PCLO: variants seen among roughly 807,000 people sequenced by gnomAD.
PCLO encodes protein piccolo.
A neutral mutation model predicts 427.5 loss-of-function variants in PCLO; 82 were observed. That is an observed-to-expected ratio of 0.19 (90% CI 0.16 to 0.23). PCLO has a LOEUF of 0.23. Among genes scored for constraint, PCLO ranks in the 10% least tolerant of loss-of-function variants. The pLI is 1.00. For synonymous variants in PCLO, 2,357 were observed against 2,155.4 expected, an observed-to-expected ratio of 1.09 and a Z score of -2.59; for missense variants, 6,239 against 6,115.9, an observed-to-expected ratio of 1.02 and a Z score of -0.67.
At chr7:82,809,714 T>C (rs1238910422) in intron 20 of PCLO, among the ~76,000 whole-genome samples, 1 of 151,830 alleles carries the variant, frequency 6.6e-6, no homozygotes, top group East Asian at 1.9e-4. Flanking sequence ...ATACAAATCA[T>C]AAATTTCTCA....
chr7:82,791,410 G>T (rs1791098650), intron 22 of PCLO, among the ~76,000 whole-genome samples: 1 of 152,172 alleles, frequency 6.6e-6, no homozygotes, highest in Admixed American at 6.5e-5. Context: ...CTATTTCTTG[G>T]ATAAGTGAGC....
chr7:83,119,377 T>G (rs1184151273), intron 3 of PCLO, among the ~76,000 whole-genome samples: 1 of 152,022 alleles, frequency 6.6e-6, no homozygotes, highest in African/African-American at 2.4e-5. Context: ...CTCTGACTGG[T>G]ATTGTAGGAA....
intron 22 of PCLO, among the ~76,000 whole-genome samples, chr7:82,799,276 T>C (rs1464042027): frequency 6.6e-6 from 1 of 152,164 alleles, no homozygotes; most frequent in Non-Finnish European, 1.5e-5. Context: ...ACAAACATTC[T>C]CTAAGCAACT....
rs566223910 is a variant in PCLO, at chr7:82,936,228, A to G, written c.11112+13248T>C. On this transcript the variant is annotated intron_variant, in intron 6 of 24. Coordinates refer to ENST00000333891, the MANE Select transcript of PCLO (RefSeq NM_033026.6). ...GAAATCATACAAAGTGCTTTCTTTG[A>G]CCACAATAGAATGAAGGTAGAAATC... 2.0e-5 allele frequency among the ~76,000 whole-genome samples: 3 copies of G among 151,830 alleles called. No homozygotes were observed. In the South Asian group the frequency reaches 6.2e-4, roughly 31 times the overall value.
chr7:82,960,765 T>C (rs1795639034), intron 4 of PCLO, among the ~76,000 whole-genome samples: 1 of 152,128 alleles, frequency 6.6e-6, no homozygotes, highest in African/African-American at 2.4e-5. Flanking sequence ...ACTATAATAA[T>C]ATGAACGACA....
intron 22 of PCLO, among the ~76,000 whole-genome samples, chr7:82,781,477 T>A (rs545673380): frequency 7.7e-6 from 1 of 130,496 alleles, no homozygotes; most frequent in South Asian, 2.8e-4. Context: ...GGCCCTGATG[T>A]GTGTTGTTCC....
chr7:83,000,500 A>AT (rs915884755), intron 3 of PCLO, among the ~76,000 whole-genome samples: 3 of 151,862 alleles, frequency 2.0e-5, no homozygotes, highest in Non-Finnish European at 4.4e-5. Flanking sequence ...ATGCAAGACA[A>AT]TTTTTTCCAT....
At chr7:82,854,918 T>G (rs1210480972) in intron 10 of PCLO, among the ~76,000 whole-genome samples, 1 of 152,132 alleles carries the variant, frequency 6.6e-6, no homozygotes, top group Non-Finnish European at 1.5e-5. Context: ...ATTTACATAT[T>G]TTTAAAACTT....
intron 22 of PCLO, among the ~76,000 whole-genome samples, chr7:82,765,209 G>A (rs1041058582): frequency 2.6e-5 from 4 of 151,662 alleles, no homozygotes; most frequent in Non-Finnish European, 5.9e-5. Flanking sequence ...TTAAAGAAAT[G>A]ATCACATGAA....
rs750557339 is a variant in PCLO at position 82,956,453 on chromosome 7, A to G, written c.4500T>C (p.Val1500=). Residue 1500 remains valine (V), a synonymous_variant, in exon 5 of 25, where the codon GTT becomes GTC. Coordinates refer to ENST00000333891, the MANE Select transcript of PCLO (RefSeq NM_033026.6). The part of the protein sequence containing the change: ...SKDHKEKSEF[V]DDITTRREPY... ...GCTCTCTTCTAGTAGTTATGTCATC[A>G]ACAAACTCAGACTTCTCTTTATGGT... 8.7e-6 allele frequency: 14 copies of G among 1,613,706 alleles called. No individual in the cohort carries two copies. In the South Asian group the frequency reaches 1.5e-4, roughly 18 times the overall value.
At chr7:83,141,796 A>C (rs1017396490) in intron 2 of PCLO, among the ~76,000 whole-genome samples, 6 of 152,216 alleles carry the variant, frequency 3.9e-5, no homozygotes, top group African/African-American at 1.4e-4. Flanking sequence ...TGAACTTCAC[A>C]TAAAGAGTAT....
intron 10 of PCLO, among the ~76,000 whole-genome samples, chr7:82,864,291 A>G (rs1357582909): frequency 6.6e-6 from 1 of 152,154 alleles, no homozygotes; most frequent in Non-Finnish European, 1.5e-5. Flanking sequence ...GGCCACTTAT[A>G]TCAATTAGTT....
At chr7:83,033,210 T>C (rs535409711) in intron 3 of PCLO, among the ~76,000 whole-genome samples, 1 of 152,288 alleles carries the variant, frequency 6.6e-6, no homozygotes. Flanking sequence ...GTTGTATCTT[T>C]ATAGCAGTGT....
rs759676772 is a variant in PCLO, at chr7:82,950,917, T to A, written c.9671A>T (p.Glu3224Val). 4 of 1,613,430 alleles carry A rather than the reference T, an allele frequency of 2.5e-6. No homozygotes were observed. Among genetic ancestry groups the A allele is most frequent in the Non-Finnish European group, 3.4e-6 (4 of 1,179,860 alleles). ...AGCAAAGCGCTGTTGCTTAATTTTCTCCAGTTCCAGGAGCTCACGCTCCAA... is the reference window on the plus strand; with the variant it reads ...AGCAAAGCGCTGTTGCTTAATTTTCACCAGTTCCAGGAGCTCACGCTCCAA... ...LDLERELLELEKIKQQRFAEE... is the reference protein window; with the variant it reads ...LDLERELLELVKIKQQRFAEE... Residue 3224 changes from glutamate (E) to valine (V), a missense_variant, in exon 6 of 25, where the codon GAG becomes GTG. Glu to Val is a moderately radical substitution (Grantham distance 121). This residue lies in a region of PCLO where 4,677 missense variants were observed against 4,468.4 expected (regional missense o/e 1.05). Transcript: ENST00000333891.
chr7:82,817,383 T>C (rs1003559929), intron 20 of PCLO, among the ~76,000 whole-genome samples: 1 of 152,190 alleles, frequency 6.6e-6, no homozygotes, highest in African/African-American at 2.4e-5. Context: ...ATTTTTCTTA[T>C]GGGCCTGACC....
chr7:82,853,182 A>G (rs75348994), intron 10 of PCLO, among the ~76,000 whole-genome samples: 3,256 of 152,204 alleles, frequency 0.021, 124 homozygotes, highest in African/African-American at 0.075. Context: ...ATATTTTTTA[A>G]ATTATTATTG....
chr7:83,003,477 G>C (rs559423993), intron 3 of PCLO, among the ~76,000 whole-genome samples: 20 of 151,724 alleles, frequency 1.3e-4, no homozygotes, highest in African/African-American at 4.6e-4. Flanking sequence ...TGGCTTAGAT[G>C]GGATGGAAAC....
chr7:83,004,064 G>A (rs1021187092), intron 3 of PCLO, among the ~76,000 whole-genome samples: 3 of 151,618 alleles, frequency 2.0e-5, no homozygotes, highest in Admixed American at 6.6e-5. Context: ...AGTCATACAT[G>A]AGAAGCTCGC....
In PCLO at chr7:83,156,404, A is replaced by G; in HGVS notation, c.249-12T>C. On this transcript the variant is annotated splice_polypyrimidine_tract_variant and intron_variant, in intron 1 of 24. Transcript: ENST00000333891. ...CCAACTCTTGTTTCCTAGAAGAGTT[A>G]AAAAAAAAAAAAAAAATCAAGTGAA... is the stretch of plus-strand genomic sequence containing the variant. 4.7e-6 allele frequency: 1 copy of G among 213,020 alleles called. No homozygotes were observed. The highest frequency in any genetic ancestry group is 7.0e-6 in the Non-Finnish European group (1 of 143,414). 13.2% of individuals were successfully genotyped at this position (213,020 alleles called of 1,614,324 possible).
Sources: allele counts gnomAD v4.1 joint callset (sites outside exome capture counted in the v4.1 genomes callset), GRCh38; gene constraint gnomAD v4.1.1; regional missense constraint gnomAD v4.1.1; transcripts MANE v1.5; gene names NCBI Gene and HGNC (gene_info 2026-07-23, HGNC 2026-07-21).